MALRD1: variants seen among roughly 807,000 people sequenced by gnomAD.
The protein encoded by MALRD1 is MAM and LDL receptor class A domain containing 1.
In MALRD1, 247 loss-of-function variants were observed where a neutral mutation model predicts 242.1. That is an observed-to-expected ratio of 1.02 (90% CI 0.92 to 1.13). The LOEUF (loss-of-function observed/expected upper bound fraction) is 1.13. MALRD1 is among the 50% of genes most tolerant of loss of function. The probability of loss-of-function intolerance (pLI) is 0.00; values close to 1 mark genes in which losing one functional copy is unlikely to be tolerated. For synonymous variants in MALRD1, 995 were observed against 866.6 expected (o/e 1.15, Z -2.60); for missense variants, 2,989 against 2,533.1 (o/e 1.18, Z -3.86).
Position 19,628,650 on chromosome 10 carries a change from G to A in MALRD1, c.6137+12727G>A, listed in dbSNP as rs12261318. ...AGCTCTGTAGAAGATTGGCTTGGGG[G>A]AAAGAGAGATTTCATACTTGAATTT... is the stretch of plus-strand genomic sequence containing the variant. On this transcript the variant is annotated intron_variant, in intron 36 of 39. Coordinates refer to ENST00000454679, the MANE Select transcript of MALRD1 (RefSeq NM_001142308.3). Among the ~76,000 whole-genome samples, 576 of 152,206 alleles carry A rather than the reference G, an allele frequency of 3.8e-3. 3 individuals are homozygous for A. Among genetic ancestry groups the A allele is most frequent in the African/African-American group, 0.013 (552 of 41,552 alleles).
intron 19 of MALRD1, among the ~76,000 whole-genome samples, chr10:19,263,113 ATGTCT>A (rs1248666984): frequency 6.6e-6 from 1 of 152,192 alleles, no homozygotes; most frequent in African/African-American, 2.4e-5. Flanking sequence ...TGGAGTCCAG[ATGTCT>A]CTTTGAAATA....
chr10:19,279,512 T>C (rs957582196), intron 19 of MALRD1, among the ~76,000 whole-genome samples: 1 of 152,198 alleles, frequency 6.6e-6, no homozygotes, highest in African/African-American at 2.4e-5. Context: ...TATAAATGTC[T>C]TCCATCCTCA....
intron 24 of MALRD1, among the ~76,000 whole-genome samples, chr10:19,339,011 C>G (rs1375176150): frequency 1.3e-5 from 2 of 149,986 alleles, no homozygotes; most frequent in Admixed American, 1.3e-4. Flanking sequence ...TTAATAAGTC[C>G]TACTATTAGC....
At chr10:19,573,815 A>G (rs1836673058) in intron 33 of MALRD1, among the ~76,000 whole-genome samples, 1 of 152,142 alleles carries the variant, frequency 6.6e-6, no homozygotes, top group Non-Finnish European at 1.5e-5. Context: ...ACTCCCTTAA[A>G]TAAATACAAT....
At chr10:19,695,011 G>A (rs528469041) in intron 38 of MALRD1, among the ~76,000 whole-genome samples, 18 of 152,190 alleles carry the variant, frequency 1.2e-4, no homozygotes, top group Non-Finnish European at 1.9e-4. Context: ...TCACAGGTGG[G>A]AACTGAACAA....
At chr10:19,691,913 C>G (rs1842838008) in intron 36 of MALRD1, among the ~76,000 whole-genome samples, 1 of 152,084 alleles carries the variant, frequency 6.6e-6, no homozygotes, top group Non-Finnish European at 1.5e-5. Context: ...TGACTTGAAT[C>G]TCTTCACTAT....
intron 21 of MALRD1, among the ~76,000 whole-genome samples, chr10:19,320,640 T>C (rs1234818796): frequency 6.6e-6 from 1 of 152,122 alleles, no homozygotes. Flanking sequence ...CTTGAGGAAT[T>C]GCTACACTGT....
intron 28 of MALRD1, among the ~76,000 whole-genome samples, chr10:19,436,731 T>A (rs575302551): frequency 6.6e-6 from 1 of 152,318 alleles, no homozygotes; most frequent in South Asian, 2.1e-4. Flanking sequence ...ATTGGTCAGA[T>A]TCTGCATTTC....
chr10:19,271,601 A>C (rs1430732061), intron 19 of MALRD1, among the ~76,000 whole-genome samples: 1 of 152,128 alleles, frequency 6.6e-6, no homozygotes, highest in Non-Finnish European at 1.5e-5. Flanking sequence ...GTCTCTACCA[A>C]AAACACAAAA....
chr10:19,308,929 C>T (rs1363238955), intron 21 of MALRD1, among the ~76,000 whole-genome samples: 1 of 151,334 alleles, frequency 6.6e-6, no homozygotes, highest in African/African-American at 2.4e-5. Flanking sequence ...GTATGAGAGA[C>T]TAATATTATA....
chr10:19,376,915 C>G (rs1845634761), intron 26 of MALRD1, among the ~76,000 whole-genome samples: 1 of 151,946 alleles, frequency 6.6e-6, no homozygotes, highest in Non-Finnish European at 1.5e-5. Flanking sequence ...GACTGTTGCA[C>G]TAAGTTGATT....
intron 26 of MALRD1, among the ~76,000 whole-genome samples, chr10:19,358,315 T>G (rs1019583542): frequency 8.6e-5 from 13 of 151,880 alleles, no homozygotes; most frequent in African/African-American, 3.1e-4. Flanking sequence ...TCAGTTTCTT[T>G]AAAAAACGTA....
chr10:19,417,251 T>G (rs960329391), intron 28 of MALRD1, among the ~76,000 whole-genome samples: 4 of 152,208 alleles, frequency 2.6e-5, no homozygotes, highest in African/African-American at 9.6e-5. Flanking sequence ...CCACTGTTTT[T>G]TTCTTTAACT....
At chr10:19,372,214 A>G (rs148265079) in intron 26 of MALRD1, among the ~76,000 whole-genome samples, 160 of 152,326 alleles carry the variant, frequency 1.1e-3, no homozygotes, top group Non-Finnish European at 1.8e-3. Context: ...AACAATGGAT[A>G]TACATTTAAA....
At chr10:19,555,903 A>G (rs189359207) in intron 32 of MALRD1, among the ~76,000 whole-genome samples, 2 of 152,160 alleles carry the variant, frequency 1.3e-5, no homozygotes, top group African/African-American at 4.8e-5. Context: ...AGAAAGCATG[A>G]CAGAGAGGGA....
intron 33 of MALRD1, among the ~76,000 whole-genome samples, chr10:19,568,490 A>G (rs1836357054): frequency 6.6e-6 from 1 of 152,082 alleles, no homozygotes; most frequent in African/African-American, 2.4e-5. Context: ...TTCAGGTGAC[A>G]CACCCTATCT....
At chr10:19,637,743 T>A (rs1199175231) in intron 36 of MALRD1, among the ~76,000 whole-genome samples, 6 of 152,198 alleles carry the variant, frequency 3.9e-5, no homozygotes, top group Middle Eastern at 3.4e-3. Context: ...CAAAACCAGT[T>A]TGAGATCACT....
At chr10:19,731,023 G>T (rs1195156509) in intron 39 of MALRD1, among the ~76,000 whole-genome samples, 1 of 152,126 alleles carries the variant, frequency 6.6e-6, no homozygotes, top group East Asian at 1.9e-4. Context: ...ACTGTTAAAT[G>T]GTGTTGTGGT....
intron 28 of MALRD1, among the ~76,000 whole-genome samples, chr10:19,404,655 T>C (rs1847011623): frequency 6.6e-6 from 1 of 152,082 alleles, no homozygotes; most frequent in Middle Eastern, 3.2e-3. Context: ...AGTCACTTTG[T>C]TTTCCTAGAC....
Sources: allele counts gnomAD v4.1 joint callset (sites outside exome capture counted in the v4.1 genomes callset), GRCh38; gene constraint gnomAD v4.1.1; transcripts MANE v1.5; gene names NCBI Gene and HGNC (gene_info 2026-07-23, HGNC 2026-07-21).